The following CDK11B variants were observed in gnomAD, a reference collection of about 807,000 sequenced individuals.
The protein encoded by CDK11B is cyclin dependent kinase 11B.
In CDK11B, 37 loss-of-function variants were observed where a neutral mutation model predicts 84.0. The observed-to-expected ratio is 0.44, with a 90% CI of 0.34 to 0.58. The LOEUF is 0.58. Ranked by LOEUF, CDK11B falls within the 20% of genes least tolerant of loss-of-function variation. The pLI, the probability that CDK11B is intolerant of heterozygous loss-of-function variation, is 0.02. For synonymous variants in CDK11B, 269 were observed against 309.8 expected (o/e 0.87, Z 1.38); for missense variants, 427 against 834.0 (o/e 0.51, Z 6.01).
At chr1:1,652,359 C>G (rs2100967528) in intron 4 of CDK11B, 80 bp downstream of exon 4, 4 of 1,205,914 alleles carry the variant, frequency 3.3e-6, no homozygotes, top group Middle Eastern at 2.1e-4. Context: ...TTCAGTGGTG[C>G]TCTGGGGAAG....
intron 4 of CDK11B, among the ~76,000 whole-genome samples, chr1:1,650,141 G>A (rs1302214239): frequency 6.7e-6 from 1 of 148,360 alleles, no homozygotes; most frequent in East Asian, 2.1e-4. Flanking sequence ...GTGGTGGCGG[G>A]CACCTGTAGT....
chr1:1,649,397 G>T (rs1366379189), intron 5 of CDK11B, 102 bp downstream of exon 5: 3 of 886,768 alleles, frequency 3.4e-6, no homozygotes, highest in African/African-American at 3.3e-5. Context: ...CACCACACCT[G>T]GCTCAGATGT....
rs990367083 is a variant in CDK11B at position 1,637,206 on chromosome 1, G to A, written c.1571-4C>T. ...ATCATCAGGGTCTTCACCTCCCCTG[G>A]GAGGGAGGGAAGCTCCCATGTGGAC... On this transcript the variant is annotated splice_polypyrimidine_tract_variant and splice_region_variant and intron_variant, in intron 14 of 19. Coordinates refer to ENST00000341832, the MANE Select transcript of CDK11B (RefSeq NM_033486.3). The A allele has an allele frequency of 2.5e-6, 4 of 1,612,952 alleles. No homozygotes were observed. In the African/African-American group the frequency reaches 5.3e-5, roughly 22 times the overall value.
At chr1:1,655,020 C>G (rs1452928134) in intron 3 of CDK11B, among the ~76,000 whole-genome samples, 1 of 152,136 alleles carries the variant, frequency 6.6e-6, no homozygotes, top group Non-Finnish European at 1.5e-5. Context: ...CTCCTGACCT[C>G]AGCTGATCAG....
At chr1:1,657,998 AC>A in intron 1 of CDK11B, among the ~76,000 whole-genome samples, 1 of 150,374 alleles carries the variant, frequency 6.7e-6, no homozygotes, top group East Asian at 2.0e-4. Context: ...CACGGCGAAA[AC>A]CCTGTCTCCA....
intron 11 of CDK11B, among the ~76,000 whole-genome samples, chr1:1,638,937 A>G (rs77950867): frequency 2.5e-5 from 3 of 119,436 alleles, no homozygotes; most frequent in Non-Finnish European, 5.2e-5. Flanking sequence ...TCTGTTTTCT[A>G]TTTTTTTTTT....
Position 1,658,983 on chromosome 1 carries a change from G to T in CDK11B, c.-83C>A. On this transcript the variant is annotated 5_prime_UTR_variant, in exon 1 of 20. Transcript: ENST00000341832. ...AGCCAGAGAAGAAACAGCAACCGGC[G>T]CGCGCCAAAAGTATCGTCACTTCCT... 1.0e-5 allele frequency: 2 copies of T among 197,920 alleles called. No individual in the cohort carries two copies. The highest frequency in any genetic ancestry group is 2.1e-5 in the Non-Finnish European group (2 of 96,912). The allele number at this position is 197,920 out of a possible 1,614,324, so 12.3% of individuals were successfully genotyped here.
intron 3 of CDK11B, among the ~76,000 whole-genome samples, chr1:1,653,431 C>T (rs1331341256): frequency 6.6e-6 from 1 of 152,018 alleles, no homozygotes; most frequent in East Asian, 1.9e-4. Flanking sequence ...AGCAATTCTC[C>T]TGCCTCAGCC....
chr1:1,654,253 A>C, intron 3 of CDK11B: 1 of 438,834 alleles, frequency 2.3e-6, no homozygotes, highest in Non-Finnish European at 4.5e-6. Flanking sequence ...GAAACGTCGG[A>C]ACACACAGGT....
chr1:1,637,664 G>C (rs1465867871), intron 13 of CDK11B, 98 bp downstream of exon 13: 4 of 1,610,830 alleles, frequency 2.5e-6, no homozygotes, highest in Middle Eastern at 1.7e-4. Flanking sequence ...GCTCCACTAA[G>C]TGCAGGAGAG....
chr1:1,639,398 CAG>C (rs1404355980), intron 11 of CDK11B, among the ~76,000 whole-genome samples: 2 of 151,614 alleles, frequency 1.3e-5, no homozygotes, highest in Non-Finnish European at 2.9e-5. Context: ...GCCTGGGTGA[CAG>C]AGACAGACCC....
chr1:1,653,863 C>CACACACACACACACAA lies in CDK11B; in HGVS notation c.228-1298_228-1297insTTGTGTGTGTGTGTGT, dbSNP rs761317190. Among the ~76,000 whole-genome samples, 94 of 132,940 alleles carry CACACACACACACACAA rather than the reference C, an allele frequency of 7.1e-4. 2 individuals carry two copies. Among genetic ancestry groups the CACACACACACACACAA allele is most frequent in the East Asian group, 5.0e-3 (24 of 4,782 alleles). The allele number at this position is 132,940 out of a possible 152,430, so 87.2% of individuals were successfully genotyped here. ...ACACACACACACACACACACACACA[C>CACACACACACACACAA]CCGAGCGTGGTGGCGCATGCCTGTA... On this transcript the variant is annotated intron_variant, in intron 3 of 19. Transcript: ENST00000341832.
In CDK11B at chr1:1,636,902, C is replaced by T. The variant is rs576381801; in HGVS notation, c.1795G>A (p.Ala599Thr). The T allele has an allele frequency of 1.2e-6, 2 of 1,606,220 alleles. No individual in the cohort carries two copies. The highest frequency in any genetic ancestry group is 2.2e-5 in the South Asian group (2 of 90,306). ...CTCAGACGCCCAGGACTCACCTTGG[C>T]ACCAAGCAGCAGCTCTGGGGCGCGG... ...WYRAPELLLG[A>T]KEYSTAVDMW... Residue 599 changes from alanine to threonine, a missense_variant, in exon 16 of 20, where the codon GCC becomes ACC. By Grantham distance (58) the Ala-to-Thr change is moderately conservative. Around this residue, in one of 12 missense-constraint regions of CDK11B, gnomAD observed 170 missense variants for 196.0 expected, o/e 0.87. Transcript: ENST00000341832.
chr1:1,655,295 C>G (rs1484621093), intron 3 of CDK11B, 74 bp downstream of exon 3: 49 of 1,533,892 alleles, frequency 3.2e-5, no homozygotes, highest in Admixed American at 4.0e-5. Flanking sequence ...ACAGTTGTCA[C>G]AGCGACCCTA....
chr1:1,640,590 G>A, intron 10 of CDK11B, 138 bp from the exon 11 acceptor site: 1 of 1,046,402 alleles, frequency 9.6e-7, no homozygotes, highest in South Asian at 1.6e-5. Context: ...CTCGTCCCCT[G>A]GACACAGGGC....
rs372549597 is a variant in CDK11B at position 1,636,386 on chromosome 1, G to T, written c.2013C>A (p.Leu671=). ...AGAGCAGAGCCCCGAAGCGCTTGCGGAGGTTGTTGTAGGGGTGCTCGCTGA... is the reference window on the plus strand; with the variant it reads ...AGAGCAGAGCCCCGAAGCGCTTGCGTAGGTTGTTGTAGGGGTGCTCGCTGA... ...MTFSEHPYNN[L]RKRFGALLSD... Residue 671 remains leucine, a synonymous_variant, in exon 18 of 20, where the codon CTC becomes CTA. Coordinates refer to ENST00000341832, the MANE Select transcript of CDK11B (RefSeq NM_033486.3). 3.7e-6 allele frequency: 6 copies of T among 1,608,198 alleles called. No homozygotes were observed. The highest frequency in any genetic ancestry group is 5.1e-6 in the Non-Finnish European group (6 of 1,177,054).
chr1:1,650,026 C>T (rs1641722094), intron 4 of CDK11B, among the ~76,000 whole-genome samples: 1 of 149,874 alleles, frequency 6.7e-6, no homozygotes, highest in African/African-American at 2.5e-5. Flanking sequence ...GTAATTCCAG[C>T]ACTCTGGGAG....
intron 2 of CDK11B, among the ~76,000 whole-genome samples, chr1:1,656,778 A>G (rs1642812749): frequency 6.6e-6 from 1 of 152,246 alleles, no homozygotes; most frequent in Admixed American, 6.5e-5. Context: ...AAGTGAGCAC[A>G]TGCTATTGGA....
chr1:1,652,657 C>T (rs1182246143), intron 3 of CDK11B, 91 bp from the exon 4 acceptor site: 3 of 932,216 alleles, frequency 3.2e-6, no homozygotes, highest in African/African-American at 3.4e-5. Flanking sequence ...CAGAAAAATG[C>T]ATGATTCAGA....
Sources: allele counts gnomAD v4.1 joint callset (sites outside exome capture counted in the v4.1 genomes callset), GRCh38; gene constraint gnomAD v4.1.1; regional missense constraint gnomAD v4.1.1; transcripts MANE v1.5; gene names NCBI Gene and HGNC (gene_info 2026-07-23, HGNC 2026-07-21).